The following SLC2A9 variants were observed in gnomAD, a reference collection of about 807,000 sequenced individuals.
The protein encoded by SLC2A9 is solute carrier family 2, facilitated glucose transporter member 9.
In SLC2A9, 39 loss-of-function variants were observed where a neutral mutation model predicts 50.6. The ratio of observed to expected loss-of-function variants is 0.77; its 90% CI spans 0.60 to 1.01. SLC2A9 has a LOEUF of 1.01. SLC2A9 is among the 50% of genes least tolerant of loss of function. The probability of loss-of-function intolerance (pLI) is 0.00; values close to 1 mark genes in which losing one functional copy is unlikely to be tolerated. For missense variants in SLC2A9, 686 were observed against 677.6 expected, an observed-to-expected ratio of 1.01 and a Z score of -0.14; for synonymous variants, 324 against 276.9, an observed-to-expected ratio of 1.17 and a Z score of -1.69.
chr4:9,800,460 CAGAA>C (rs1264792641), intron 3 of SLC2A9, among the ~76,000 whole-genome samples: 10 of 152,168 alleles, frequency 6.6e-5, no homozygotes, highest in African/African-American at 2.4e-4. Context: ...TGTGAAGCCA[CAGAA>C]AGAAAGTGGC....
intron 8 of SLC2A9, among the ~76,000 whole-genome samples, chr4:9,893,524 G>C (rs1737925057): frequency 6.9e-6 from 1 of 145,368 alleles, no homozygotes; most frequent in Admixed American, 6.8e-5. Flanking sequence ...AACAGCTTCT[G>C]AGAAAGAGAG....
intron 5 of SLC2A9, among the ~76,000 whole-genome samples, chr4:9,977,034 C>T (rs1325445004): frequency 2.0e-5 from 3 of 152,184 alleles, no homozygotes; most frequent in African/African-American, 7.2e-5. Context: ...CCTCATCTGC[C>T]TCTCTCCATC....
intron 8 of SLC2A9, 41 bp downstream of exon 8, chr4:9,908,194 C>A: frequency 7.5e-7 from 1 of 1,334,244 alleles, no homozygotes; most frequent in Non-Finnish European, 1.1e-6. Context: ...TGCTGTGTAA[C>A]CCCCTGTGGC....
At chr4:9,899,575 G>C (rs1279258546) in intron 8 of SLC2A9, among the ~76,000 whole-genome samples, 3 of 152,102 alleles carry the variant, frequency 2.0e-5, no homozygotes, top group Admixed American at 2.0e-4. Flanking sequence ...CTTGGGACAG[G>C]CTCTCTCTAA....
intron 8 of SLC2A9, among the ~76,000 whole-genome samples, chr4:9,907,459 G>GAGC (rs1245867716): frequency 6.6e-6 from 1 of 152,204 alleles, no homozygotes; most frequent in Non-Finnish European, 1.5e-5. Flanking sequence ...AAACAGTGAG[G>GAGC]AGCTCTATGC....
chr4:9,890,244 C>A (rs1055490148), intron 9 of SLC2A9, among the ~76,000 whole-genome samples: 18 of 152,192 alleles, frequency 1.2e-4, no homozygotes, highest in African/African-American at 3.9e-4. Flanking sequence ...CAGCACCTGG[C>A]ACTCATGCTG....
chr4:10,020,251 A>G (rs969434560), intron 1 of SLC2A9, among the ~76,000 whole-genome samples: 1 of 151,976 alleles, frequency 6.6e-6, no homozygotes, highest in Admixed American at 6.5e-5. Flanking sequence ...CAGCCACGAG[A>G]TAGAGCTTTG....
At chr4:9,790,064 TGA>T (rs1719706801) in intron 3 of SLC2A9, among the ~76,000 whole-genome samples, 1 of 152,244 alleles carries the variant, frequency 6.6e-6, no homozygotes, top group South Asian at 2.1e-4. Flanking sequence ...AAAAGGAGGC[TGA>T]GAGAGGTTCA....
intron 5 of SLC2A9, among the ~76,000 whole-genome samples, chr4:9,957,224 A>T (rs1259639683): frequency 6.6e-6 from 1 of 152,038 alleles, no homozygotes; most frequent in Non-Finnish European, 1.5e-5. Flanking sequence ...AAAACATGAA[A>T]ATAAATCTCA....
chr4:9,781,360 T>C (rs1718332781), intron 3 of SLC2A9, among the ~76,000 whole-genome samples: 2 of 152,242 alleles, frequency 1.3e-5, no homozygotes, highest in Admixed American at 1.3e-4. Flanking sequence ...GTCCTCATCC[T>C]TACCCCACCT....
At chr4:9,909,465 T>A (rs1472654280) in intron 7 of SLC2A9, among the ~76,000 whole-genome samples, 1 of 152,184 alleles carries the variant, frequency 6.6e-6, no homozygotes, top group African/African-American at 2.4e-5. Context: ...TAGACCTAAA[T>A]CCTAATTGAT....
In SLC2A9 at chr4:9,909,839, C is replaced by T. The variant is rs146526473; in HGVS notation, c.1003-1494G>A. On this transcript the variant is annotated intron_variant, in intron 7 of 11. Transcript: ENST00000264784. ...AAAGGACCTTATGAACATTTATGAA[C>T]AGTTTGATACTTATTCAGCAGAAGT... Among the ~76,000 whole-genome samples, 462 of 152,362 alleles carry T rather than the reference C, an allele frequency of 3.0e-3. 2 individuals are homozygous for T. The highest frequency in any genetic ancestry group is 5.8e-3 in the Non-Finnish European group (396 of 68,038).
chr4:9,883,527 G>A (rs564465811), intron 10 of SLC2A9, among the ~76,000 whole-genome samples: 1 of 152,346 alleles, frequency 6.6e-6, no homozygotes, highest in African/African-American at 2.4e-5. Flanking sequence ...TAGGGGTGAT[G>A]TATATAAGGC....
rs146003262 is a variant in SLC2A9 at position 9,858,619 on chromosome 4, G to C, written c.1292-23611C>G. On this transcript the variant is annotated intron_variant, in intron 10 of 11. Coordinates refer to ENST00000264784, the MANE Select transcript of SLC2A9 (RefSeq NM_020041.3). ...TCAGGATGTCAGGCATAATCTGAGAGTGTCCCCGGCAAACTACTGATGAGG... is the reference window on the plus strand; with the variant it reads ...TCAGGATGTCAGGCATAATCTGAGACTGTCCCCGGCAAACTACTGATGAGG... Among the ~76,000 whole-genome samples, 13 of 152,292 alleles carry C rather than the reference G, an allele frequency of 8.5e-5. No homozygotes were observed. In the East Asian group the frequency reaches 2.5e-3, roughly 29 times the overall value.
chr4:9,955,106 T>TAAGTGCTGGC (rs1750987997), intron 5 of SLC2A9, among the ~76,000 whole-genome samples: 2 of 152,132 alleles, frequency 1.3e-5, no homozygotes, highest in Non-Finnish European at 1.5e-5. Context: ...CGGCCCCTCC[T>TAAGTGCTGGC]AAGTGCTGGC....
upstream of SLC2A9, chr4:10,026,075 G>T: frequency 1.8e-6 from 2 of 1,141,468 alleles, no homozygotes; most frequent in Non-Finnish European, 1.3e-6. Context: ...AGGGGAGGTG[G>T]CCTGGAGCAG....
intron 10 of SLC2A9, among the ~76,000 whole-genome samples, chr4:9,870,294 C>G (rs534893725): frequency 3.1e-4 from 47 of 152,368 alleles, no homozygotes; most frequent in African/African-American, 1.1e-3. Flanking sequence ...ATCTCAGCAG[C>G]TGCAAGGAAT....
chr4:9,880,056 A>C (rs116831227), intron 10 of SLC2A9: 1 of 985,282 alleles, frequency 1.0e-6, no homozygotes, highest in Admixed American at 6.1e-5. Flanking sequence ...GAGCAGGCCC[A>C]TGAGTCTCTC....
At chr4:9,977,879 C>G (rs1386085781) in intron 5 of SLC2A9, among the ~76,000 whole-genome samples, 1 of 152,178 alleles carries the variant, frequency 6.6e-6, no homozygotes, top group African/African-American at 2.4e-5. Context: ...AACCCAATAC[C>G]TGGCACAATA....
Sources: allele counts gnomAD v4.1 joint callset (sites outside exome capture counted in the v4.1 genomes callset), GRCh38; gene constraint gnomAD v4.1.1; transcripts MANE v1.5; gene names NCBI Gene and HGNC (gene_info 2026-07-23, HGNC 2026-07-21).